The following GPC6 variants were observed in gnomAD, a reference collection of about 807,000 sequenced individuals.
GPC6 encodes the protein glypican-6.
In GPC6, 14 loss-of-function variants were observed where a neutral mutation model predicts 55.2. That is an observed-to-expected ratio of 0.25 (90% CI 0.17 to 0.40). The LOEUF is 0.40. Among genes scored for constraint, GPC6 ranks in the 10% least tolerant of loss-of-function variants. GPC6 has a pLI of 1.00. For missense variants in GPC6, 641 were observed against 708.5 expected, an observed-to-expected ratio of 0.90 and a Z score of 1.08; for synonymous variants, 278 against 259.6, an observed-to-expected ratio of 1.07 and a Z score of -0.68.
intron 4 of GPC6, among the ~76,000 whole-genome samples, chr13:94,114,035 A>AG (rs1886341728): frequency 6.8e-6 from 1 of 147,256 alleles, no homozygotes; most frequent in African/African-American, 2.5e-5. Flanking sequence ...AAAAAAAAAA[A>AG]GCCCAGTGAC....
At chr13:93,922,864 C>G (rs982840803) in intron 3 of GPC6, among the ~76,000 whole-genome samples, 2 of 152,100 alleles carry the variant, frequency 1.3e-5, no homozygotes, top group Non-Finnish European at 2.9e-5. Context: ...TCTGTAACAT[C>G]CATAATAGTT....
At position 93,789,606 on chromosome 13, in the gene GPC6, T is replaced by TATATATATATATAATACTAC. The variant is rs1885946664; in HGVS notation, c.320-40535_320-40534insATACTACATATATATATATA. Among the ~76,000 whole-genome samples, 53 of 18,214 alleles carry TATATATATATATAATACTAC rather than the reference T, an allele frequency of 2.9e-3. 1 individual carries two copies. Among genetic ancestry groups the TATATATATATATAATACTAC allele is most frequent in the Non-Finnish European group, 5.2e-3 (47 of 9,010 alleles). The allele number at this position is 18,214 out of a possible 152,430, so 11.9% of individuals were successfully genotyped here. On this transcript the variant is annotated intron_variant, in intron 2 of 8. Coordinates refer to ENST00000377047, the MANE Select transcript of GPC6 (RefSeq NM_005708.5). Reference sequence around the variant, plus strand: ...ATATATATATAATACTACATATATATATATATATATATATATATATATATA... The same window carrying TATATATATATATAATACTAC: ...ATATATATATAATACTACATATATATATATATATATATAATACTACATATATATATATATATATATATATA...
chr13:93,913,130 G>C (rs1054297549), intron 3 of GPC6, among the ~76,000 whole-genome samples: 1 of 152,182 alleles, frequency 6.6e-6, no homozygotes, highest in Admixed American at 6.5e-5. Flanking sequence ...TTAGGACTCG[G>C]ACATATCATT....
chr13:93,267,726 A>T (rs1877371940), intron 1 of GPC6, among the ~76,000 whole-genome samples: 1 of 152,212 alleles, frequency 6.6e-6, no homozygotes, highest in Non-Finnish European at 1.5e-5. Flanking sequence ...TTGTTGAAGT[A>T]TTATCTACTG....
At chr13:94,055,268 T>C (rs1282498782) in intron 4 of GPC6, among the ~76,000 whole-genome samples, 1 of 152,160 alleles carries the variant, frequency 6.6e-6, no homozygotes, top group South Asian at 2.1e-4. Flanking sequence ...ATACTTTAAA[T>C]GTATGTTACA....
chr13:93,553,253 T>TTC (rs1875257768), intron 2 of GPC6, among the ~76,000 whole-genome samples: 1 of 152,048 alleles, frequency 6.6e-6, no homozygotes, highest in African/African-American at 2.4e-5. Flanking sequence ...CCTTTTTTTT[T>TTC]CCAAAACAAA....
At chr13:94,263,950 G>A (rs980777434) in intron 4 of GPC6, among the ~76,000 whole-genome samples, 3 of 152,074 alleles carry the variant, frequency 2.0e-5, no homozygotes, top group Admixed American at 1.3e-4. Flanking sequence ...CGTGTAGAGT[G>A]TATGTGTCAC....
intron 2 of GPC6, among the ~76,000 whole-genome samples, chr13:93,691,024 AT>A (rs1312050561): frequency 3.9e-5 from 6 of 152,012 alleles, no homozygotes; most frequent in Non-Finnish European, 8.8e-5. Flanking sequence ...CCCATTTTTA[AT>A]CTATTCGCTT....
chr13:93,425,877 C>G (rs985797395), intron 1 of GPC6, among the ~76,000 whole-genome samples: 19 of 152,168 alleles, frequency 1.2e-4, no homozygotes, highest in Non-Finnish European at 2.4e-4. Context: ...ACAATACCCT[C>G]CCTACCCACT....
At chr13:94,171,563 G>A (rs1888568785) in intron 4 of GPC6, among the ~76,000 whole-genome samples, 2 of 152,160 alleles carry the variant, frequency 1.3e-5, no homozygotes, top group Non-Finnish European at 2.9e-5. Flanking sequence ...AAATGCTAAG[G>A]AAGGGAACTC....
intron 4 of GPC6, among the ~76,000 whole-genome samples, chr13:94,054,821 GGAGT>G (rs1438780581): frequency 6.6e-6 from 1 of 152,082 alleles, no homozygotes; most frequent in Non-Finnish European, 1.5e-5. Flanking sequence ...AAATCATGGG[GGAGT>G]GATTTCGACT....
intron 2 of GPC6, among the ~76,000 whole-genome samples, chr13:93,720,249 G>A (rs1883404440): frequency 6.6e-6 from 1 of 152,022 alleles, no homozygotes; most frequent in Non-Finnish European, 1.5e-5. Context: ...TTCAGAACTT[G>A]TTATTGGTCT....
At chr13:93,238,387 T>C (rs553310245) in intron 1 of GPC6, among the ~76,000 whole-genome samples, 1 of 152,168 alleles carries the variant, frequency 6.6e-6, no homozygotes, top group East Asian at 1.9e-4. Context: ...TTGGTCATTA[T>C]TGGTATATAG....
intron 2 of GPC6, among the ~76,000 whole-genome samples, chr13:93,569,617 T>C (rs1030355160): frequency 1.3e-5 from 2 of 151,992 alleles, no homozygotes; most frequent in African/African-American, 4.8e-5. Context: ...GATCTAGCAA[T>C]TTGTTTCCCT....
chr13:94,259,625 A>T (rs141426489), intron 4 of GPC6, among the ~76,000 whole-genome samples: 1 of 152,140 alleles, frequency 6.6e-6, no homozygotes, highest in Non-Finnish European at 1.5e-5. Context: ...TCCCAACAGA[A>T]ACTCCGTGCC....
intron 3 of GPC6, among the ~76,000 whole-genome samples, chr13:93,885,753 C>T (rs888889802): frequency 1.3e-5 from 2 of 152,240 alleles, no homozygotes; most frequent in South Asian, 2.1e-4. Context: ...TAAGACAGAA[C>T]AGGGCTTTCA....
chr13:93,997,867 G>C (rs1173150740), intron 3 of GPC6, among the ~76,000 whole-genome samples: 1 of 152,268 alleles, frequency 6.6e-6, no homozygotes, highest in East Asian at 1.9e-4. Context: ...TTAAACGTAA[G>C]GGAAAATCAA....
intron 2 of GPC6, among the ~76,000 whole-genome samples, chr13:93,706,536 A>G (rs898603988): frequency 1.3e-5 from 2 of 151,926 alleles, no homozygotes; most frequent in African/African-American, 4.8e-5. Context: ...CCTTTGCTTC[A>G]GTTAATCACT....
At chr13:94,307,595 G>T (rs931928116) in intron 6 of GPC6, among the ~76,000 whole-genome samples, 3 of 152,204 alleles carry the variant, frequency 2.0e-5, no homozygotes, top group African/African-American at 7.2e-5. Flanking sequence ...TTACAGGCAT[G>T]AGCCAACGTG....
Sources: allele counts gnomAD v4.1 joint callset (sites outside exome capture counted in the v4.1 genomes callset), GRCh38; gene constraint gnomAD v4.1.1; transcripts MANE v1.5; gene names NCBI Gene and HGNC (gene_info 2026-07-23, HGNC 2026-07-21).